Variants in LEKR1 observed in about 807,000 individuals in gnomAD.
LEKR1 encodes the protein protein LEKR1.
LEKR1 carries 59 observed loss-of-function variants against 72.4 expected under a neutral mutation model. The ratio of observed to expected loss-of-function variants is 0.82; its 90% CI spans 0.66 to 1.01. The LOEUF (loss-of-function observed/expected upper bound fraction) is 1.01, where lower values mean the gene tolerates loss of function less well. Among genes scored for constraint, LEKR1 ranks in the 50% least tolerant of loss-of-function variants. The pLI is 0.00. For missense variants in LEKR1, 728 were observed against 759.2 expected (o/e 0.96, Z 0.48); for synonymous variants, 257 against 263.2 (o/e 0.98, Z 0.23).
chr3:156,881,165 G>GA (rs1171642193), intron 3 of LEKR1, among the ~76,000 whole-genome samples: 1 of 152,138 alleles, frequency 6.6e-6, no homozygotes, highest in African/African-American at 2.4e-5. Flanking sequence ...TTAGGCAGGA[G>GA]AAGGAAATAA....
At chr3:156,982,345 G>T (rs190196978) in intron 7 of LEKR1, among the ~76,000 whole-genome samples, 101 of 150,010 alleles carry the variant, frequency 6.7e-4, no homozygotes, top group African/African-American at 2.4e-3. Context: ...CACTCTAGAG[G>T]CCTCATTTGG....
Position 156,953,114 on chromosome 3 carries a change from T to C in LEKR1, c.745+10400T>C, listed in dbSNP as rs571494263. ...GAAACTAACTACAGTATTTATTATT[T>C]GGAGGCAATCAGAATTAGGTGAATG... is the stretch of plus-strand genomic sequence containing the variant. On this transcript the variant is annotated intron_variant, in intron 6 of 12. Transcript: ENST00000356539. Among the ~76,000 whole-genome samples the C allele has an allele frequency of 4.6e-5, 7 of 151,202 alleles. No individual in the cohort carries two copies. The South Asian group carries it at 1.5e-3, about 31-fold the overall frequency.
chr3:156,851,381 C>G (rs1056894585), intron 2 of LEKR1, among the ~76,000 whole-genome samples: 2 of 152,130 alleles, frequency 1.3e-5, no homozygotes, highest in Non-Finnish European at 2.9e-5. Context: ...TCCTGAGAGA[C>G]ACAACTGGCA....
intron 3 of LEKR1, among the ~76,000 whole-genome samples, chr3:156,861,962 T>A (rs1035612864): frequency 6.6e-6 from 1 of 152,114 alleles, no homozygotes; most frequent in African/African-American, 2.4e-5. Context: ...CATGAACATG[T>A]GCAAACAGTA....
chr3:157,022,866 A>C (rs1051151311), intron 10 of LEKR1, among the ~76,000 whole-genome samples: 1 of 152,214 alleles, frequency 6.6e-6, no homozygotes, highest in Non-Finnish European at 1.5e-5. Flanking sequence ...TATTATCCCA[A>C]ACAATCCAGA....
intron 6 of LEKR1, among the ~76,000 whole-genome samples, chr3:156,966,293 G>A (rs1041043893): frequency 3.9e-5 from 6 of 152,038 alleles, no homozygotes; most frequent in Non-Finnish European, 8.8e-5. Context: ...AGGACAGTGG[G>A]TGCAGCACAC....
chr3:157,009,041 A>G (rs1216789355), intron 9 of LEKR1, among the ~76,000 whole-genome samples: 2 of 152,128 alleles, frequency 1.3e-5, no homozygotes, highest in Non-Finnish European at 2.9e-5. Context: ...AAATACATTT[A>G]ATAAATGTTA....
At chr3:156,939,165 T>G (rs1218604860) in intron 5 of LEKR1, among the ~76,000 whole-genome samples, 1 of 152,142 alleles carries the variant, frequency 6.6e-6, no homozygotes, top group Non-Finnish European at 1.5e-5. Flanking sequence ...CCTACAGTAA[T>G]TATATTTGGA....
At chr3:157,014,076 G>A (rs1453865816) in intron 10 of LEKR1, among the ~76,000 whole-genome samples, 9 of 151,946 alleles carry the variant, frequency 5.9e-5, no homozygotes, top group Admixed American at 5.9e-4. Flanking sequence ...AAATTAATGT[G>A]GATGCTGAAC....
chr3:157,022,969 C>T (rs949781411), intron 10 of LEKR1, among the ~76,000 whole-genome samples: 1 of 152,198 alleles, frequency 6.6e-6, no homozygotes, highest in South Asian at 2.1e-4. Flanking sequence ...GTCCTATACC[C>T]AGTACAATAA....
chr3:156,992,837 G>C lies in LEKR1; in HGVS notation c.905+107G>C, dbSNP rs187812312. Reference sequence around the variant, plus strand: ...ACTTATCATTTTTTATTTTCTTATTGTTTACATATAAAATACCTAATTCAA... The same window carrying C: ...ACTTATCATTTTTTATTTTCTTATTCTTTACATATAAAATACCTAATTCAA... On this transcript the variant is annotated intron_variant, in intron 8 of 12. Coordinates refer to ENST00000356539, the MANE Select transcript of LEKR1 (RefSeq NM_001004316.3). 5 of 317,730 alleles carry C rather than the reference G, an allele frequency of 1.6e-5. No homozygotes were observed. In the Admixed American group the frequency reaches 2.5e-4, roughly 16 times the overall value. 19.7% of individuals were successfully genotyped at this position (317,730 alleles called of 1,614,324 possible).
chr3:156,847,130 A>G (rs977633231), intron 2 of LEKR1, among the ~76,000 whole-genome samples: 1 of 152,222 alleles, frequency 6.6e-6, no homozygotes, highest in African/African-American at 2.4e-5. Context: ...TTTGAAATAG[A>G]GAATGCCACA....
At chr3:156,833,175 C>T (rs1318937217) in intron 2 of LEKR1, among the ~76,000 whole-genome samples, 3 of 152,182 alleles carry the variant, frequency 2.0e-5, no homozygotes, top group Non-Finnish European at 4.4e-5. Flanking sequence ...AAGATTATTT[C>T]ATTATTCTCT....
intron 4 of LEKR1, among the ~76,000 whole-genome samples, chr3:156,922,735 A>G (rs1158237921): frequency 3.3e-5 from 5 of 152,152 alleles, no homozygotes; most frequent in Non-Finnish European, 7.4e-5. Context: ...TGAAAATGCA[A>G]ATTAATTGTA....
chr3:156,971,438 T>C (rs1487738640), intron 6 of LEKR1, among the ~76,000 whole-genome samples: 1 of 152,140 alleles, frequency 6.6e-6, no homozygotes, highest in African/African-American at 2.4e-5. Flanking sequence ...GGGCAAGGAC[T>C]TCATGTCTAA....
intron 6 of LEKR1, among the ~76,000 whole-genome samples, chr3:156,970,448 T>A (rs1729057929): frequency 6.6e-6 from 1 of 152,250 alleles, no homozygotes; most frequent in Admixed American, 6.5e-5. Flanking sequence ...TCTTCTAGGG[T>A]TTTTATGGTT....
intron 9 of LEKR1, among the ~76,000 whole-genome samples, chr3:156,999,078 A>C (rs1486653278): frequency 6.6e-6 from 1 of 152,070 alleles, no homozygotes; most frequent in Non-Finnish European, 1.5e-5. Flanking sequence ...CACTCACTCC[A>C]TCCTGCCGCC....
At chr3:156,834,463 A>G (rs1020946960) in intron 2 of LEKR1, among the ~76,000 whole-genome samples, 9 of 152,206 alleles carry the variant, frequency 5.9e-5, no homozygotes, top group Non-Finnish European at 1.0e-4. Flanking sequence ...AACAAAAGCC[A>G]TATTTCCAAG....
intron 11 of LEKR1, among the ~76,000 whole-genome samples, chr3:157,025,234 C>A (rs1409396862): frequency 1.3e-5 from 2 of 152,132 alleles, no homozygotes; most frequent in Non-Finnish European, 2.9e-5. Flanking sequence ...AAATATCCAA[C>A]ATTGAAAGAT....
Sources: allele counts gnomAD v4.1 joint callset (sites outside exome capture counted in the v4.1 genomes callset), GRCh38; gene constraint gnomAD v4.1.1; transcripts MANE v1.5; gene names NCBI Gene and HGNC (gene_info 2026-07-23, HGNC 2026-07-21).